ETV1: variants seen among roughly 807,000 people sequenced by gnomAD.
The protein encoded by ETV1 is ETS translocation variant 1.
A neutral mutation model predicts 62.3 loss-of-function variants in ETV1; 27 were observed. That is an observed-to-expected ratio of 0.43 (90% CI 0.32 to 0.60). The LOEUF is 0.60. ETV1 is among the 20% of genes least tolerant of loss of function. ETV1 has a pLI of 0.06. For synonymous variants in ETV1, 222 were observed against 199.6 expected, an observed-to-expected ratio of 1.11 and a Z score of -0.94; for missense variants, 605 against 605.8, an observed-to-expected ratio of 1.00 and a Z score of 0.01.
chr7:13,971,544 C>T (rs1780902710), intron 6 of ETV1, among the ~76,000 whole-genome samples: 1 of 152,146 alleles, frequency 6.6e-6, no homozygotes, highest in African/African-American at 2.4e-5. Flanking sequence ...AATGGACTTG[C>T]ATTCCAGTGT....
intron 7 of ETV1, among the ~76,000 whole-genome samples, chr7:13,937,602 T>C (rs2128457819): frequency 6.6e-6 from 1 of 152,336 alleles, no homozygotes; most frequent in East Asian, 1.9e-4. Context: ...TGAAAGGCAA[T>C]GACAATTCTA....
intron 5 of ETV1, chr7:13,985,376 A>G (rs1782446873): frequency 1.3e-5 from 2 of 152,184 alleles, no homozygotes; most frequent in Admixed American, 6.5e-5. Flanking sequence ...TATAAATACA[A>G]TCATCCTTTC....
At chr7:13,986,432 C>A (rs2128513745) in intron 5 of ETV1, 1 of 1,489,352 alleles carries the variant, frequency 6.7e-7, no homozygotes, top group South Asian at 1.4e-5. Flanking sequence ...GCAATTTCTC[C>A]TGGTAATTTG....
Position 13,891,556 on chromosome 7 carries a change from T to G in ETV1, c.*4310A>C, listed in dbSNP as rs1781382813. ...GTCTAATCAAATTCTCCTCTTAAAC[T>G]GTACTTTCCATAAACTGTTTTTTTT... is the stretch of plus-strand genomic sequence containing the variant. On this transcript the variant is annotated 3_prime_UTR_variant, in exon 14 of 14. Transcript: ENST00000430479. The G allele has an allele frequency of 4.3e-6, 1 of 231,468 alleles. No homozygotes were observed. The highest frequency in any genetic ancestry group is 5.7e-5 in the Admixed American group (1 of 17,688). 14.3% of individuals were successfully genotyped at this position (231,468 alleles called of 1,614,324 possible).
intron 13 of ETV1, among the ~76,000 whole-genome samples, chr7:13,898,656 T>C (rs1279725216): frequency 2.0e-5 from 3 of 152,224 alleles, no homozygotes; most frequent in Admixed American, 6.5e-5. Context: ...TTCTATATTA[T>C]ATACACCACA....
intron 9 of ETV1, among the ~76,000 whole-genome samples, chr7:13,911,815 A>G (rs1277583244): frequency 2.0e-5 from 3 of 152,228 alleles, no homozygotes; most frequent in Non-Finnish European, 4.4e-5. Flanking sequence ...TTCTGACCAT[A>G]TAAAAGACAG....
chr7:13,988,076 C>T lies in ETV1; in HGVS notation c.133+10G>A. On this transcript the variant is annotated intron_variant, in intron 4 of 13. Transcript: ENST00000430479. ...AAAAAATGGGGATTCAGCCCAAAAT[C>T]AAACCTCACCTTCTGAATCATGAGC... is the stretch of plus-strand genomic sequence containing the variant. The T allele has an allele frequency of 6.3e-7, 1 of 1,586,656 alleles. No homozygotes were observed. The highest frequency in any genetic ancestry group is 2.2e-5 in the East Asian group (1 of 44,704).
intron 9 of ETV1, among the ~76,000 whole-genome samples, chr7:13,930,938 C>T (rs1278726958): frequency 2.0e-5 from 3 of 151,756 alleles, no homozygotes; most frequent in Admixed American, 6.6e-5. Flanking sequence ...GTAGCTGGGA[C>T]TACAGGCACG....
chr7:13,909,538 C>T (rs1783348999), intron 11 of ETV1, 94 bp downstream of exon 11: 3 of 900,052 alleles, frequency 3.3e-6, no homozygotes, highest in Non-Finnish European at 5.4e-6. Flanking sequence ...GCATAGGAAT[C>T]TTTAAGTAGG....
chr7:13,944,862 A>C (rs1787966563), intron 6 of ETV1, among the ~76,000 whole-genome samples: 1 of 152,184 alleles, frequency 6.6e-6, no homozygotes, highest in Admixed American at 6.5e-5. Flanking sequence ...AAAAGGGGGA[A>C]TCTGGATAAA....
At chr7:13,923,986 G>C (rs1785138143) in intron 9 of ETV1, among the ~76,000 whole-genome samples, 1 of 151,916 alleles carries the variant, frequency 6.6e-6, no homozygotes, top group African/African-American at 2.4e-5. Flanking sequence ...GGTGAGCTGA[G>C]ATCGTGCCAT....
At chr7:13,909,221 G>A (rs1352407997) in intron 11 of ETV1, among the ~76,000 whole-genome samples, 1 of 151,072 alleles carries the variant, frequency 6.6e-6, no homozygotes, top group Non-Finnish European at 1.5e-5. Flanking sequence ...ATCTTTCCAT[G>A]AACAATGAAA....
rs1781601149 is a variant in ETV1 at position 13,894,445 on chromosome 7, G to A, written c.*1421C>T. 4.3e-6 allele frequency: 1 copy of A among 232,324 alleles called. No individual in the cohort carries two copies. The highest frequency in any genetic ancestry group is 8.5e-6 in the Non-Finnish European group (1 of 117,274). The allele number at this position is 232,324 out of a possible 1,614,324, so 14.4% of individuals were successfully genotyped here. A position where few individuals can be genotyped will look rare whatever the true frequency, so the allele number is the denominator to read the frequency against. On this transcript the variant is annotated 3_prime_UTR_variant, in exon 14 of 14. Coordinates refer to ENST00000430479, the MANE Select transcript of ETV1 (RefSeq NM_004956.5). ...ACAGAAGTGTCCAAAAAGAGATGAT[G>A]GATAATATCAGTGCCAGCACTATGT...
chr7:13,941,914 G>T (rs1285101674), intron 6 of ETV1, among the ~76,000 whole-genome samples: 1 of 148,656 alleles, frequency 6.7e-6, no homozygotes, highest in African/African-American at 2.5e-5. Flanking sequence ...AATAAAGTAA[G>T]AAAATTGTCT....
At chr7:13,958,714 G>T (rs890219865) in intron 6 of ETV1, 2 of 152,174 alleles carry the variant, frequency 1.3e-5, no homozygotes, top group African/African-American at 4.8e-5. Context: ...CTTGGCTGCT[G>T]TGTGACACAG....
intron 9 of ETV1, among the ~76,000 whole-genome samples, chr7:13,923,301 G>A (rs893559718): frequency 2.0e-5 from 3 of 152,122 alleles, no homozygotes; most frequent in Admixed American, 6.5e-5. Context: ...TACTACTACA[G>A]GCAGCATTAG....
chr7:13,906,354 G>A lies in ETV1; in HGVS notation c.1110+76C>T, dbSNP rs149316422. Reference sequence around the variant, plus strand: ...TGAAATGATTAAGAATACATTTTTGGTATATTAATCAAATGTGTCAGTTTC... The same window carrying A: ...TGAAATGATTAAGAATACATTTTTGATATATTAATCAAATGTGTCAGTTTC... On this transcript the variant is annotated intron_variant, in intron 12 of 13. Transcript: ENST00000430479. 408 of 937,052 alleles carry A rather than the reference G, an allele frequency of 4.4e-4. 1 individual carries two copies. In the African/African-American group the frequency reaches 6.2e-3, roughly 14 times the overall value. The allele number at this position is 937,052 out of a possible 1,614,324, so 58.0% of individuals were successfully genotyped here. A position where few individuals can be genotyped will look rare whatever the true frequency, so the allele number is the denominator to read the frequency against.
At chr7:13,968,974 T>G (rs1476450878) in intron 6 of ETV1, among the ~76,000 whole-genome samples, 1 of 152,198 alleles carries the variant, frequency 6.6e-6, no homozygotes. Flanking sequence ...ATTTAAAAAA[T>G]GTATTCCTTG....
At chr7:13,962,797 G>A (rs1156527625) in intron 6 of ETV1, among the ~76,000 whole-genome samples, 5 of 152,076 alleles carry the variant, frequency 3.3e-5, no homozygotes, top group South Asian at 2.1e-4. Flanking sequence ...TGTGCATTAT[G>A]TTATAAATTA....
Sources: allele counts gnomAD v4.1 joint callset (sites outside exome capture counted in the v4.1 genomes callset), GRCh38; gene constraint gnomAD v4.1.1; transcripts MANE v1.5; gene names NCBI Gene and HGNC (gene_info 2026-07-23, HGNC 2026-07-21).